Variants in CSTPP1 observed in about 807,000 individuals in gnomAD.
CSTPP1 encodes the protein centriolar satellite-associated tubulin polyglutamylase complex regulator 1, also known as UPF0705 protein C11orf49.
chr11:47,026,644 G>A, the CSTPP1 span, among the ~76,000 whole-genome samples: 11 of 152,272 alleles, frequency 7.2e-5, no homozygotes, highest in East Asian at 5.8e-4. Flanking sequence ...TTGGGAGGCC[G>A]AGGTGGGTGG....
At chr11:47,162,329 G>A in the CSTPP1 span, 1 of 889,242 alleles carries the variant, frequency 1.1e-6, no homozygotes, top group Non-Finnish European at 1.3e-6. Context: ...GTAGGACTAG[G>A]AGGTAGGCCA....
chr11:47,037,062 G>A, the CSTPP1 span, among the ~76,000 whole-genome samples: 1 of 126,958 alleles, frequency 7.9e-6, no homozygotes, highest in African/African-American at 2.5e-5. Flanking sequence ...GATGATCCTG[G>A]AACATCTTAT....
At chr11:47,140,119 A>T in the CSTPP1 span, among the ~76,000 whole-genome samples, 1 of 152,212 alleles carries the variant, frequency 6.6e-6, no homozygotes, top group East Asian at 1.9e-4. Flanking sequence ...TTTGCTGGTC[A>T]TGTGCAAAAC....
the CSTPP1 span, among the ~76,000 whole-genome samples, chr11:47,050,522 G>A: frequency 2.0e-5 from 3 of 152,170 alleles, no homozygotes; most frequent in Admixed American, 2.0e-4. Flanking sequence ...ATCAGGAAAA[G>A]ACTTTACACA....
At chr11:47,142,886 A>G in the CSTPP1 span, among the ~76,000 whole-genome samples, 1 of 151,006 alleles carries the variant, frequency 6.6e-6, no homozygotes, top group Admixed American at 6.6e-5. Flanking sequence ...AAACTTACCC[A>G]CTCCTCACCT....
At chr11:46,987,340 T>C in the CSTPP1 span, 4 of 1,585,512 alleles carry the variant, frequency 2.5e-6, no homozygotes, top group Admixed American at 6.7e-5. Flanking sequence ...ACTAATACAG[T>C]GAACCCAGAG....
At chr11:47,160,653 T>C in the CSTPP1 span, 1 of 155,886 alleles carries the variant, frequency 6.4e-6, no homozygotes, top group Non-Finnish European at 1.4e-5. Context: ...CTTCTCCTCT[T>C]GCCCCTGGGA....
the CSTPP1 span, chr11:46,987,263 C>A: frequency 6.2e-7 from 1 of 1,614,174 alleles, no homozygotes; most frequent in East Asian, 2.2e-5. Flanking sequence ...TGCTAGAAAA[C>A]AGGGAAGATA....
the CSTPP1 span, among the ~76,000 whole-genome samples, chr11:47,030,392 C>T: frequency 1.1e-4 from 16 of 152,288 alleles, no homozygotes; most frequent in Middle Eastern, 0.014. Flanking sequence ...CCTCTTTGCA[C>T]ATTAAGAATG....
chr11:47,071,000 C>T, the CSTPP1 span, among the ~76,000 whole-genome samples: 1 of 152,098 alleles, frequency 6.6e-6, no homozygotes, highest in African/African-American at 2.4e-5. Context: ...AGAACTTTCC[C>T]CCATGTCTGT....
At chr11:47,079,831 C>G in the CSTPP1 span, among the ~76,000 whole-genome samples, 2 of 152,102 alleles carry the variant, frequency 1.3e-5, no homozygotes, top group Non-Finnish European at 2.9e-5. Flanking sequence ...CGGTGGCTCA[C>G]GCCTGTAATC....
the CSTPP1 span, among the ~76,000 whole-genome samples, chr11:47,149,255 A>G: frequency 2.6e-5 from 4 of 152,180 alleles, no homozygotes; most frequent in African/African-American, 9.7e-5. Flanking sequence ...ATGATCCAAT[A>G]GATTTGTGCA....
chr11:46,968,121 C>G, the CSTPP1 span, among the ~76,000 whole-genome samples: 1 of 151,362 alleles, frequency 6.6e-6, no homozygotes, highest in East Asian at 1.9e-4. Flanking sequence ...GCTGTTATCT[C>G]TCTTGACTTC....
the CSTPP1 span, among the ~76,000 whole-genome samples, chr11:47,008,271 G>C: frequency 6.6e-6 from 1 of 151,706 alleles, no homozygotes; most frequent in Non-Finnish European, 1.5e-5. Context: ...AGCCAACTCT[G>C]ATTTTTTATC....
the CSTPP1 span, among the ~76,000 whole-genome samples, chr11:46,945,696 C>T: frequency 1.3e-5 from 2 of 152,098 alleles, no homozygotes; most frequent in East Asian, 3.8e-4. Flanking sequence ...TCCCCCTACC[C>T]TTCTCCTTCC....
chr11:47,156,926 A>G, the CSTPP1 span: 1 of 1,301,346 alleles, frequency 7.7e-7, no homozygotes, highest in Non-Finnish European at 1.1e-6. Context: ...CTGGTGTGGA[A>G]CTGGGCTGAC....
chr11:46,956,285 C>T, the CSTPP1 span, among the ~76,000 whole-genome samples: 14 of 152,264 alleles, frequency 9.2e-5, no homozygotes, highest in South Asian at 2.1e-4. Context: ...CTTTAAGAAG[C>T]GGGCCCCCCA....
At chr11:47,099,139 C>T in the CSTPP1 span, among the ~76,000 whole-genome samples, 3 of 152,134 alleles carry the variant, frequency 2.0e-5, no homozygotes, top group Non-Finnish European at 2.9e-5. Context: ...TTCTATAACC[C>T]TCTCTGTCAC....
chr11:47,125,073 T>G, the CSTPP1 span, among the ~76,000 whole-genome samples: 1 of 152,212 alleles, frequency 6.6e-6, no homozygotes, highest in Admixed American at 6.5e-5. Flanking sequence ...TCAGACACTC[T>G]TCTTTCTCTA....
Sources: allele counts gnomAD v4.1 joint callset (sites outside exome capture counted in the v4.1 genomes callset), GRCh38; gene constraint gnomAD v4.1.1; transcripts MANE v1.5; gene names NCBI Gene and HGNC (gene_info 2026-07-23, HGNC 2026-07-21).